Variants in CLSTN2 observed in about 807,000 individuals in gnomAD.
The protein encoded by CLSTN2 is calsyntenin-2.
CLSTN2 carries 48 observed loss-of-function variants against 101.2 expected under a neutral mutation model. That is an observed-to-expected ratio of 0.47 (90% CI 0.38 to 0.60). The LOEUF is 0.60. CLSTN2 is among the 20% of genes least tolerant of loss of function. The pLI is 0.00. For missense variants in CLSTN2, 1,160 were observed against 1,238.2 expected (o/e 0.94, Z 0.95); for synonymous variants, 481 against 463.6 (o/e 1.04, Z -0.48).
intron 1 of CLSTN2, among the ~76,000 whole-genome samples, chr3:140,032,194 C>T (rs1004200591): frequency 7.3e-5 from 11 of 151,584 alleles, no homozygotes; most frequent in African/African-American, 2.7e-4. Context: ...TACATTTACT[C>T]ACAATGAAAA....
intron 7 of CLSTN2, among the ~76,000 whole-genome samples, chr3:140,465,751 A>G (rs1933682867): frequency 6.6e-6 from 1 of 152,208 alleles, no homozygotes; most frequent in African/African-American, 2.4e-5. Flanking sequence ...TTCTCTCAAC[A>G]TCACCCAAGT....
chr3:140,216,679 C>T (rs777963002), intron 2 of CLSTN2, among the ~76,000 whole-genome samples: 1 of 152,098 alleles, frequency 6.6e-6, no homozygotes, highest in African/African-American at 2.4e-5. Flanking sequence ...CAAAATCAGA[C>T]GGAAGGGAAA....
intron 10 of CLSTN2, 27 bp from the exon 11 acceptor site, chr3:140,556,486 T>C: frequency 1.9e-6 from 3 of 1,613,018 alleles, no homozygotes; most frequent in Non-Finnish European, 2.5e-6. Flanking sequence ...ACCATTCTCT[T>C]CCATGATGCT....
intron 2 of CLSTN2, among the ~76,000 whole-genome samples, chr3:140,332,957 C>A (rs895864763): frequency 6.6e-6 from 1 of 152,178 alleles, no homozygotes; most frequent in East Asian, 1.9e-4. Flanking sequence ...TAGGCTTAGG[C>A]AAGTTTTCAA....
chr3:140,274,075 G>C, intron 2 of CLSTN2, among the ~76,000 whole-genome samples: 1 of 152,196 alleles, frequency 6.6e-6, no homozygotes. Context: ...TGCTGCACAT[G>C]ATAACCTCTG....
At chr3:140,458,621 C>T (rs899064187) in intron 6 of CLSTN2, among the ~76,000 whole-genome samples, 16 of 152,152 alleles carry the variant, frequency 1.1e-4, no homozygotes, top group African/African-American at 3.1e-4. Context: ...CTAAAATAAA[C>T]CTGCCCCCAC....
chr3:139,952,516 T>C (rs1438889629), intron 1 of CLSTN2, among the ~76,000 whole-genome samples: 1 of 152,160 alleles, frequency 6.6e-6, no homozygotes, highest in Non-Finnish European at 1.5e-5. Context: ...TTTCTAACTT[T>C]GTGGGGAATT....
chr3:139,981,873 C>G (rs1384133653), intron 1 of CLSTN2, among the ~76,000 whole-genome samples: 1 of 152,218 alleles, frequency 6.6e-6, no homozygotes, highest in Non-Finnish European at 1.5e-5. Context: ...CTGGGAATCA[C>G]AGGTAGAGAA....
chr3:140,274,035 C>T (rs1442470110), intron 2 of CLSTN2, among the ~76,000 whole-genome samples: 1 of 152,152 alleles, frequency 6.6e-6, no homozygotes, highest in Non-Finnish European at 1.5e-5. Flanking sequence ...CTCCTCCCGG[C>T]TCCAGGGAAA....
At chr3:140,084,754 C>T (rs1446126643) in intron 1 of CLSTN2, among the ~76,000 whole-genome samples, 1 of 6,034 alleles carries the variant, frequency 1.7e-4, no homozygotes, top group African/African-American at 1.8e-3. Context: ...TAAAGGCATT[C>T]CAGCCCCAGC....
intron 5 of CLSTN2, among the ~76,000 whole-genome samples, chr3:140,445,812 TTC>T (rs1446478951): frequency 1.3e-5 from 2 of 152,154 alleles, no homozygotes; most frequent in Admixed American, 1.3e-4. Flanking sequence ...GCCTGTAGGA[TTC>T]TGTCACAGTT....
intron 2 of CLSTN2, among the ~76,000 whole-genome samples, chr3:140,343,516 G>C (rs992839427): frequency 6.6e-6 from 1 of 152,284 alleles, no homozygotes; most frequent in African/African-American, 2.4e-5. Context: ...GAGTCAACTT[G>C]TATCTTCCAG....
intron 2 of CLSTN2, among the ~76,000 whole-genome samples, chr3:140,393,394 T>C (rs2088141794): frequency 6.6e-6 from 1 of 152,214 alleles, no homozygotes; most frequent in Admixed American, 6.5e-5. Flanking sequence ...TGAGTGCTCA[T>C]TGACACTCAA....
intron 5 of CLSTN2, among the ~76,000 whole-genome samples, chr3:140,438,555 G>A (rs959219160): frequency 1.4e-5 from 2 of 145,972 alleles, no homozygotes; most frequent in African/African-American, 5.1e-5. Flanking sequence ...TGAAAAATAT[G>A]TGCATGAAAA....
At chr3:140,116,493 T>G (rs1157725844) in intron 1 of CLSTN2, among the ~76,000 whole-genome samples, 1 of 152,040 alleles carries the variant, frequency 6.6e-6, no homozygotes, top group Non-Finnish European at 1.5e-5. Flanking sequence ...AATGGACTGG[T>G]TTTCTCCTTT....
intron 1 of CLSTN2, among the ~76,000 whole-genome samples, chr3:139,938,763 G>C (rs1935072587): frequency 6.6e-6 from 1 of 152,122 alleles, no homozygotes; most frequent in Non-Finnish European, 1.5e-5. Flanking sequence ...CAAGGACTTG[G>C]TACACAGTCC....
At chr3:140,384,184 A>G (rs1025244880) in intron 2 of CLSTN2, among the ~76,000 whole-genome samples, 13 of 152,212 alleles carry the variant, frequency 8.5e-5, no homozygotes, top group African/African-American at 3.1e-4. Context: ...GTCTCACTGG[A>G]GTGCATGTCC....
chr3:140,334,656 T>C (rs1559841839), intron 2 of CLSTN2, among the ~76,000 whole-genome samples: 1 of 152,234 alleles, frequency 6.6e-6, no homozygotes, highest in Non-Finnish European at 1.5e-5. Context: ...CATTCCTCCA[T>C]GTGAAGCTGA....
At chr3:139,957,125 T>C (rs1161931264) in intron 1 of CLSTN2, among the ~76,000 whole-genome samples, 1 of 152,174 alleles carries the variant, frequency 6.6e-6, no homozygotes, top group Non-Finnish European at 1.5e-5. Flanking sequence ...GGAGTCAGGA[T>C]TGGCAGAGGT....
Sources: allele counts gnomAD v4.1 joint callset (sites outside exome capture counted in the v4.1 genomes callset), GRCh38; gene constraint gnomAD v4.1.1; transcripts MANE v1.5; gene names NCBI Gene and HGNC (gene_info 2026-07-23, HGNC 2026-07-21).